CHRNA7: variants seen among roughly 807,000 people sequenced by gnomAD.
The protein encoded by CHRNA7 is neuronal acetylcholine receptor subunit alpha-7.
A neutral mutation model predicts 48.0 loss-of-function variants in CHRNA7; 17 were observed. The observed-to-expected ratio is 0.35, with a 90% CI of 0.24 to 0.53. The LOEUF (loss-of-function observed/expected upper bound fraction) is 0.53, where lower values mean the gene tolerates loss of function less well. CHRNA7 is among the 20% of genes least tolerant of loss of function. CHRNA7 has a pLI of 0.92. For synonymous variants in CHRNA7, 75 were observed against 242.3 expected, an observed-to-expected ratio of 0.31 and a Z score of 6.41; for missense variants, 155 against 577.7, an observed-to-expected ratio of 0.27 and a Z score of 7.50.
Position 32,030,648 on chromosome 15 carries a change from C to G in CHRNA7, c.54C>G (p.His18Gln). The G allele has an allele frequency of 6.3e-7, 1 of 1,577,748 alleles. No homozygotes were observed. The highest frequency in any genetic ancestry group is 2.4e-5 in the East Asian group (1 of 42,168). Residue 18 changes from histidine to glutamine, a missense_variant and splice_region_variant, in exon 1 of 10, where the codon CAC becomes CAG. Transcript: ENST00000306901. ...VWLALAASLL[H>Q]VSLQGEFQRK... ...TGGCGCTGGCCGCGTCGCTCCTGCA[C>G]GGTAAAGCCACTGCCTCCCCGCCCT...
chr15:32,069,644 C>G (rs1377006220), intron 2 of CHRNA7, among the ~76,000 whole-genome samples: 1 of 152,142 alleles, frequency 6.6e-6, no homozygotes, highest in Admixed American at 6.5e-5. Flanking sequence ...AAAACCCCAT[C>G]TCAGAAAACA....
At chr15:32,104,749 A>C (rs1409060167) in intron 3 of CHRNA7, among the ~76,000 whole-genome samples, 1 of 152,202 alleles carries the variant, frequency 6.6e-6, no homozygotes, top group Admixed American at 6.5e-5. Flanking sequence ...CATCTCCTGA[A>C]TGGCCGTGCA....
intron 2 of CHRNA7, among the ~76,000 whole-genome samples, chr15:32,048,274 A>C (rs933936428): frequency 2.6e-5 from 4 of 152,168 alleles, no homozygotes; most frequent in African/African-American, 9.7e-5. Context: ...CCTCTGGTAG[A>C]ATTCGGCTGT....
At chr15:32,123,498 A>G (rs761457871) in intron 4 of CHRNA7, among the ~76,000 whole-genome samples, 4 of 152,222 alleles carry the variant, frequency 2.6e-5, no homozygotes, top group Non-Finnish European at 4.4e-5. Context: ...TATGAACATT[A>G]TTTTAAACTG....
At chr15:32,031,426 C>T (rs1410655648) in intron 2 of CHRNA7, among the ~76,000 whole-genome samples, 1 of 152,186 alleles carries the variant, frequency 6.6e-6, no homozygotes, top group Non-Finnish European at 1.5e-5. Context: ...GTCAATTTAG[C>T]CACTTCTAGA....
chr15:32,041,027 C>A lies in CHRNA7; in HGVS notation c.195+9990C>A, dbSNP rs191597063. The stretch of plus-strand genomic sequence containing the variant: ...TCATGTAAGTCAGATGTAATTCTTA[C>A]CTTTTTGGTCCTCTAAAGGGAAGGG... On this transcript the variant is annotated intron_variant, in intron 2 of 9. Transcript: ENST00000306901. 2.9e-3 allele frequency among the ~76,000 whole-genome samples: 441 copies of A among 151,882 alleles called. 4 individuals carry two copies. The highest frequency in any genetic ancestry group is 9.2e-3 in the African/African-American group (379 of 41,278).
At chr15:32,061,893 G>C (rs1021082384) in intron 2 of CHRNA7, among the ~76,000 whole-genome samples, 2 of 152,004 alleles carry the variant, frequency 1.3e-5, no homozygotes, top group African/African-American at 4.8e-5. Context: ...TGTGAGCTTG[G>C]GAAAGCTACC....
chr15:32,122,120 T>A (rs2050981672), intron 4 of CHRNA7, among the ~76,000 whole-genome samples: 2 of 152,208 alleles, frequency 1.3e-5, no homozygotes, highest in Non-Finnish European at 2.9e-5. Context: ...TATTCACATT[T>A]TGTAATCCCC....
chr15:32,053,118 G>A (rs1248457526), intron 2 of CHRNA7, among the ~76,000 whole-genome samples: 5 of 152,204 alleles, frequency 3.3e-5, no homozygotes, highest in African/African-American at 4.8e-5. Context: ...GCCCTGAAGA[G>A]GGCTGTGGGA....
intron 4 of CHRNA7, among the ~76,000 whole-genome samples, chr15:32,144,123 A>G (rs1039944286): frequency 1.3e-5 from 2 of 152,176 alleles, no homozygotes; most frequent in African/African-American, 4.8e-5. Context: ...GGTGGTGACA[A>G]AATCTCTCAG....
At chr15:32,048,356 C>T (rs924183150) in intron 2 of CHRNA7, among the ~76,000 whole-genome samples, 1 of 152,106 alleles carries the variant, frequency 6.6e-6, no homozygotes, top group Admixed American at 6.6e-5. Flanking sequence ...GCTCCTGTTA[C>T]TGGTCTATTC....
intron 4 of CHRNA7, among the ~76,000 whole-genome samples, chr15:32,114,019 A>AATGT: frequency 9.2e-6 from 1 of 109,148 alleles, no homozygotes; most frequent in East Asian, 2.5e-4. Flanking sequence ...GCTATCTCCA[A>AATGT]ATATATATAT....
chr15:32,086,300 C>T (rs527832077), intron 2 of CHRNA7, among the ~76,000 whole-genome samples: 4 of 134,654 alleles, frequency 3.0e-5, no homozygotes, highest in Admixed American at 1.7e-4. Flanking sequence ...ACCCTGGAGG[C>T]GGAGGTTGCA....
intron 2 of CHRNA7, among the ~76,000 whole-genome samples, chr15:32,064,445 G>A (rs1308671251): frequency 6.6e-6 from 1 of 151,586 alleles, no homozygotes; most frequent in African/African-American, 2.4e-5. Context: ...CCTTTCTCAT[G>A]ATGATAGGTG....
intron 2 of CHRNA7, among the ~76,000 whole-genome samples, chr15:32,076,174 A>G (rs2050133564): frequency 6.6e-6 from 1 of 152,090 alleles, no homozygotes; most frequent in East Asian, 1.9e-4. Context: ...AATTTTAGTT[A>G]TATCTTGTTG....
intron 4 of CHRNA7, among the ~76,000 whole-genome samples, chr15:32,139,109 A>G (rs1195722685): frequency 6.6e-6 from 1 of 152,152 alleles, no homozygotes; most frequent in Non-Finnish European, 1.5e-5. Context: ...ATATAATTGG[A>G]ATCTTACAGT....
chr15:32,097,152 A>G lies in CHRNA7; in HGVS notation c.196-4151A>G, dbSNP rs1383061537. Among the ~76,000 whole-genome samples the G allele has an allele frequency of 2.0e-5, 3 of 152,196 alleles. No individual in the cohort carries two copies. The East Asian group carries it at 5.8e-4, about 29-fold the overall frequency. ...CGGAGGAGAGAACATTGAAATGCACAGAAGCCAATTGCCTGCTGAGTCGGG... is the reference window on the plus strand; with the variant it reads ...CGGAGGAGAGAACATTGAAATGCACGGAAGCCAATTGCCTGCTGAGTCGGG... On this transcript the variant is annotated intron_variant, in intron 2 of 9. Transcript: ENST00000306901.
chr15:32,053,099 G>A (rs2049721291), intron 2 of CHRNA7, among the ~76,000 whole-genome samples: 1 of 152,156 alleles, frequency 6.6e-6, no homozygotes, highest in African/African-American at 2.4e-5. Context: ...AAGAGGTTTA[G>A]GAGACAGAGC....
chr15:32,035,452 T>C (rs1274425108), intron 2 of CHRNA7, among the ~76,000 whole-genome samples: 2 of 152,218 alleles, frequency 1.3e-5, no homozygotes, highest in Non-Finnish European at 2.9e-5. Flanking sequence ...TATTTTGGTA[T>C]TTTATTGATT....
Sources: allele counts gnomAD v4.1 joint callset (sites outside exome capture counted in the v4.1 genomes callset), GRCh38; gene constraint gnomAD v4.1.1; transcripts MANE v1.5; gene names NCBI Gene and HGNC (gene_info 2026-07-23, HGNC 2026-07-21).